The following DNAJC1 variants were observed in gnomAD, a reference collection of about 807,000 sequenced individuals.
DNAJC1 encodes dnaJ homolog subfamily C member 1.
A neutral mutation model predicts 76.6 loss-of-function variants in DNAJC1; 58 were observed. The ratio of observed to expected loss-of-function variants is 0.76; its 90% CI spans 0.61 to 0.94. The LOEUF is 0.94. DNAJC1 is among the 40% of genes least tolerant of loss of function. The pLI, the probability that DNAJC1 is intolerant of heterozygous loss-of-function variation, is 0.00. For missense variants in DNAJC1, 689 were observed against 677.3 expected (o/e 1.02, Z -0.19); for synonymous variants, 258 against 267.9 (o/e 0.96, Z 0.36).
chr10:21,970,166 T>C (rs1837955532), intron 1 of DNAJC1, among the ~76,000 whole-genome samples: 1 of 152,138 alleles, frequency 6.6e-6, no homozygotes, highest in South Asian at 2.1e-4. Context: ...AAACACAAAG[T>C]TAAAAATAAT....
intron 10 of DNAJC1, among the ~76,000 whole-genome samples, chr10:21,760,945 A>C (rs1416148365): frequency 6.6e-6 from 1 of 152,222 alleles, no homozygotes; most frequent in Non-Finnish European, 1.5e-5. Flanking sequence ...TGGGAGGCCA[A>C]GGCAAGGTGG....
intron 9 of DNAJC1, among the ~76,000 whole-genome samples, chr10:21,791,822 A>G (rs1415253672): frequency 1.3e-5 from 2 of 152,164 alleles, no homozygotes; most frequent in African/African-American, 4.8e-5. Flanking sequence ...AAGGACTAGA[A>G]AAGCAAGAAA....
chr10:21,845,377 C>G (rs185076176), intron 8 of DNAJC1, among the ~76,000 whole-genome samples: 18 of 143,696 alleles, frequency 1.3e-4, no homozygotes, highest in Non-Finnish European at 2.6e-4. Flanking sequence ...TTTTTTGAGA[C>G]TGGGTCTTGT....
At chr10:21,843,894 C>G (rs755700176) in intron 8 of DNAJC1, among the ~76,000 whole-genome samples, 1 of 152,016 alleles carries the variant, frequency 6.6e-6, no homozygotes, top group Non-Finnish European at 1.5e-5. Context: ...ACAAATCTCA[C>G]CTTGAATTGT....
At chr10:21,981,005 T>C (rs1419367165) in intron 1 of DNAJC1, among the ~76,000 whole-genome samples, 5 of 152,076 alleles carry the variant, frequency 3.3e-5, no homozygotes, top group East Asian at 1.9e-4. Context: ...TTGATGGAGA[T>C]TGCATTAAAT....
intron 8 of DNAJC1, among the ~76,000 whole-genome samples, chr10:21,817,980 G>T (rs1835101976): frequency 6.6e-6 from 1 of 152,144 alleles, no homozygotes; most frequent in African/African-American, 2.4e-5. Flanking sequence ...TGTTTGTAGA[G>T]CATGTGTATT....
intron 10 of DNAJC1, among the ~76,000 whole-genome samples, chr10:21,764,508 T>C (rs2131617759): frequency 6.6e-6 from 1 of 152,324 alleles, no homozygotes; most frequent in African/African-American, 2.4e-5. Context: ...AGAAGGTCAT[T>C]TTCCCCTGTG....
chr10:21,765,320 G>A (rs1411207914), intron 10 of DNAJC1, among the ~76,000 whole-genome samples: 3 of 151,982 alleles, frequency 2.0e-5, no homozygotes, highest in East Asian at 1.9e-4. Flanking sequence ...CTCCCGCCTC[G>A]GCCTCTAGAG....
rs532920552 is a variant in DNAJC1, at chr10:21,800,931, A to C, written c.1098+5049T>G. ...TCTAGACAAATTTAAAGTATTTTCC[A>C]TACAAACATCAGTAAAGCAGAATTA... On this transcript the variant is annotated intron_variant, in intron 9 of 11. Transcript: ENST00000376980. Among the ~76,000 whole-genome samples, 9 of 152,324 alleles carry C rather than the reference A, an allele frequency of 5.9e-5. No individual in the cohort carries two copies. In the East Asian group the frequency reaches 1.7e-3, roughly 29 times the overall value.
rs527444572 is a variant in DNAJC1, at chr10:21,783,607, A to G, written c.1099-17298T>C. The stretch of plus-strand genomic sequence containing the variant: ...CCACACTGCCAAGTCAATCCTAAGC[A>G]AAAAGAACAAAGCTGGAGGCATCAC... On this transcript the variant is annotated intron_variant, in intron 9 of 11. Coordinates refer to ENST00000376980, the MANE Select transcript of DNAJC1 (RefSeq NM_022365.4). Among the ~76,000 whole-genome samples, 3 of 152,270 alleles carry G rather than the reference A, an allele frequency of 2.0e-5. No individual in the cohort carries two copies. In the East Asian group the frequency reaches 5.8e-4, roughly 29 times the overall value.
In DNAJC1 at chr10:21,806,164, TAAA is replaced by T. The variant is rs965922280; in HGVS notation, c.979-68_979-66del. 1.7e-5 allele frequency: 26 copies of T among 1,504,860 alleles called. No homozygotes were observed. The African/African-American group carries it at 3.5e-4, about 21-fold the overall frequency. 93.2% of individuals were successfully genotyped at this position (1,504,860 alleles called of 1,614,324 possible). The stretch of plus-strand genomic sequence containing the variant: ...GAAAATAAAAAGATAATTGGAAGAA[TAAA>T]AAAAGATAATTGAGAGATAATTGCT... On this transcript the variant is annotated intron_variant, in intron 8 of 11. Transcript: ENST00000376980.
chr10:21,952,710 G>A (rs1215897050), intron 1 of DNAJC1, among the ~76,000 whole-genome samples: 1 of 152,134 alleles, frequency 6.6e-6, no homozygotes, highest in Non-Finnish European at 1.5e-5. Context: ...AGTGAGCTGA[G>A]ATTGCGCCAC....
intron 1 of DNAJC1, among the ~76,000 whole-genome samples, chr10:21,939,880 T>C (rs1837375573): frequency 6.7e-6 from 1 of 149,468 alleles, no homozygotes; most frequent in Admixed American, 6.7e-5. Flanking sequence ...CCCTCTTTAC[T>C]CTGACCTTCA....
In DNAJC1 at chr10:21,969,149, G is replaced by A. The variant is rs552323286; in HGVS notation, c.222+34064C>T. On this transcript the variant is annotated intron_variant, in intron 1 of 11. Coordinates refer to ENST00000376980, the MANE Select transcript of DNAJC1 (RefSeq NM_022365.4). ...TGAGGCAGGATAATTGCTTGAACCC[G>A]GGAGGCAGAGGTTGCAGTGAACCAA... is the stretch of plus-strand genomic sequence containing the variant. Among the ~76,000 whole-genome samples the A allele has an allele frequency of 4.6e-4, 69 of 151,024 alleles. No homozygotes were observed. In the South Asian group the frequency reaches 5.3e-3, roughly 12 times the overall value.
intron 7 of DNAJC1, among the ~76,000 whole-genome samples, chr10:21,897,533 G>C (rs1477359003): frequency 1.3e-5 from 2 of 152,186 alleles, no homozygotes; most frequent in African/African-American, 4.8e-5. Context: ...GCGGCAGGAG[G>C]ACAAGCATTA....
chr10:21,857,577 G>A (rs1835857339), intron 8 of DNAJC1, among the ~76,000 whole-genome samples: 2 of 152,302 alleles, frequency 1.3e-5, no homozygotes, highest in East Asian at 1.9e-4. Context: ...AAGAAAAAAA[G>A]GGAGAGAGAG....
intron 8 of DNAJC1, among the ~76,000 whole-genome samples, chr10:21,881,844 TAAA>T (rs1002377641): frequency 1.8e-5 from 1 of 55,414 alleles, no homozygotes; most frequent in African/African-American, 6.6e-5. Context: ...CCTCAATTTG[TAAA>T]AAAAAAAAAA....
chr10:21,807,789 T>A (rs961374403), intron 8 of DNAJC1, among the ~76,000 whole-genome samples: 1 of 152,298 alleles, frequency 6.6e-6, no homozygotes, highest in East Asian at 1.9e-4. Context: ...GTAGCCCACA[T>A]TGGGTCTGGT....
intron 8 of DNAJC1, among the ~76,000 whole-genome samples, chr10:21,844,689 T>C (rs577730349): frequency 3.3e-5 from 5 of 152,240 alleles, no homozygotes; most frequent in African/African-American, 4.8e-5. Flanking sequence ...CCCATTAGAA[T>C]AGGTATTAAA....
Sources: allele counts gnomAD v4.1 joint callset (sites outside exome capture counted in the v4.1 genomes callset), GRCh38; gene constraint gnomAD v4.1.1; transcripts MANE v1.5; gene names NCBI Gene and HGNC (gene_info 2026-07-23, HGNC 2026-07-21).